The following MLEC variants were observed in gnomAD, a reference collection of about 807,000 sequenced individuals.
MLEC encodes oligosaccharyltransferase complex subunit (non-catalytic).
Under a neutral mutation model 28.7 loss-of-function variants are expected in MLEC, and 7 were observed. That is an observed-to-expected ratio of 0.24 (90% confidence interval 0.14 to 0.46). The LOEUF is 0.46. Among genes scored for constraint, MLEC ranks in the 20% least tolerant of loss-of-function variants. The pLI, the probability that MLEC is intolerant of heterozygous loss-of-function variation, is 0.99. For synonymous variants in MLEC, 142 were observed against 164.4 expected, an observed-to-expected ratio of 0.86 and a Z score of 1.04; for missense variants, 237 against 391.1, an observed-to-expected ratio of 0.61 and a Z score of 3.32.
rs775240289 is a variant in MLEC, at chr12:120,699,987, C to T, written c.*3442C>T. On this transcript the variant is annotated 3_prime_UTR_variant, in exon 5 of 5. Coordinates refer to ENST00000228506, the MANE Select transcript of MLEC (RefSeq NM_014730.4). ...TTCCTTCTTCTCCTGCCTCTAGCCT[C>T]TCCTGGAAAGGCCTGGATATGGTTT... The T allele has an allele frequency of 1.0e-4, 16 of 152,692 alleles. No homozygotes were observed. Among genetic ancestry groups the T allele is most frequent in the Non-Finnish European group, 1.6e-4 (11 of 68,070 alleles). The allele number at this position is 152,692 out of a possible 1,614,324, so 9.5% of individuals were successfully genotyped here.
In MLEC at chr12:120,694,210, G is replaced by A. The variant is rs1376042534; in HGVS notation, c.355G>A (p.Gly119Arg). 1 of 1,614,060 alleles carries A rather than the reference G, an allele frequency of 6.2e-7. No individual in the cohort carries two copies. Among genetic ancestry groups the A allele is most frequent in the Non-Finnish European group, 8.5e-7 (1 of 1,180,038 alleles). Residue 119 changes from glycine (G) to arginine (R), a missense_variant, in exon 2 of 5, where the codon GGG becomes AGG. Coordinates refer to ENST00000228506, the MANE Select transcript of MLEC (RefSeq NM_014730.4). This position sits in a 1 kb window ranked among gnomAD's most constrained non-coding sequence, Gnocchi z 4.5. ...FGYEVPIKEE[G>R]DYVLVLKFAE... Reference sequence around the variant, plus strand: ...CTACGAAGTGCCCATCAAAGAGGAGGGGGACTACGTGCTGGTCTTGAAATT... The same window carrying A: ...CTACGAAGTGCCCATCAAAGAGGAGAGGGACTACGTGCTGGTCTTGAAATT...
At position 120,694,778 on chromosome 12, in the gene MLEC, G is replaced by A. The variant is rs1305292030; in HGVS notation, c.415-46G>A. On this transcript the variant is annotated intron_variant, in intron 2 of 4. Coordinates refer to ENST00000228506, the MANE Select transcript of MLEC (RefSeq NM_014730.4). The surrounding 1 kb of genome is among the most constrained non-coding windows in gnomAD (Gnocchi z 4.5). ...ATGATGTCCAACTGCTTGAAAGGAT[G>A]TAAAGCTGATGGTTTTGACATTGTT... 21 of 1,551,134 alleles carry A rather than the reference G, an allele frequency of 1.4e-5. No homozygotes were observed. Among genetic ancestry groups the A allele is most frequent in the Non-Finnish European group, 1.6e-5 (18 of 1,138,960 alleles).
At chr12:120,689,599 A>G (rs571335932) in intron 1 of MLEC, among the ~76,000 whole-genome samples, 193 of 152,272 alleles carry the variant, frequency 1.3e-3, no homozygotes, top group Non-Finnish European at 2.3e-3. Context: ...AGATGCGCAT[A>G]AGCTTGCACT....
chr12:120,687,259 G>T lies in MLEC; in HGVS notation c.-38G>T. 2 of 1,365,968 alleles carry T rather than the reference G, an allele frequency of 1.5e-6. No homozygotes were observed. The highest frequency in any genetic ancestry group is 1.9e-6 in the Non-Finnish European group (2 of 1,065,468). 84.6% of individuals were successfully genotyped at this position (1,365,968 alleles called of 1,614,324 possible). A position where few individuals can be genotyped will look rare whatever the true frequency, so the allele number is the denominator to read the frequency against. On this transcript the variant is annotated 5_prime_UTR_variant, in exon 1 of 5. Transcript: ENST00000228506. This position sits in a 1 kb window ranked among gnomAD's most constrained non-coding sequence, Gnocchi z 8.1. ...GGTGGCCTGGCAGCCGGCCGAGGAC[G>T]AGGGTCGGCGGGGGCTGCCCCCGTG...
chr12:120,695,602 T>C (rs549871514), intron 4 of MLEC, among the ~76,000 whole-genome samples: 2 of 152,362 alleles, frequency 1.3e-5, no homozygotes, highest in Middle Eastern at 3.4e-3. Context: ...AAAACTTCAC[T>C]TATTTATGTC....
intron 3 of MLEC, 46 bp downstream of exon 3, chr12:120,695,046 G>T: frequency 6.2e-7 from 1 of 1,614,110 alleles, no homozygotes. Flanking sequence ...GGGTACAGGG[G>T]AAGTTGTTTG....
At chr12:120,693,472 C>T (rs1566013542) in intron 1 of MLEC, among the ~76,000 whole-genome samples, 1 of 152,210 alleles carries the variant, frequency 6.6e-6, no homozygotes, top group Non-Finnish European at 1.5e-5. Context: ...AGGAAATTAG[C>T]ATCACACCTT....
chr12:120,688,430 G>A (rs1282792497), intron 1 of MLEC, among the ~76,000 whole-genome samples: 1 of 152,218 alleles, frequency 6.6e-6, no homozygotes, highest in Non-Finnish European at 1.5e-5. Context: ...CCAGGGGCTT[G>A]TGATGTAGGT....
intron 1 of MLEC, among the ~76,000 whole-genome samples, chr12:120,691,368 T>G (rs985106052): frequency 1.3e-5 from 2 of 152,226 alleles, no homozygotes; most frequent in Non-Finnish European, 2.9e-5. Context: ...TGTCCCCATT[T>G]TATAGGTGAG....
At chr12:120,692,845 T>C (rs986773577) in intron 1 of MLEC, among the ~76,000 whole-genome samples, 1 of 151,950 alleles carries the variant, frequency 6.6e-6, no homozygotes, top group Non-Finnish European at 1.5e-5. Context: ...ACTGTGTTTA[T>C]AGGATAAAGG....
At chr12:120,690,819 C>T (rs1382049246) in intron 1 of MLEC, among the ~76,000 whole-genome samples, 4 of 152,172 alleles carry the variant, frequency 2.6e-5, no homozygotes, top group Admixed American at 1.3e-4. Flanking sequence ...CTGATTTGCT[C>T]AAAGCCATGG....
intron 1 of MLEC, among the ~76,000 whole-genome samples, chr12:120,689,720 A>C (rs1202922181): frequency 2.6e-5 from 4 of 152,014 alleles, no homozygotes; most frequent in Non-Finnish European, 5.9e-5. Flanking sequence ...GTATTTGAAG[A>C]CCCTTGCCTC....
At position 120,696,552 on chromosome 12, in the gene MLEC, A is replaced by T. The variant is rs747025269; in HGVS notation, c.*7A>T. ...CTGCCTCTGCCGGTTGTGAGAACAA[A>T]TGACTATCCTGAACAGGGTGGAGGG... On this transcript the variant is annotated 3_prime_UTR_variant, in exon 5 of 5. Transcript: ENST00000228506. The surrounding 1 kb of genome is among the most constrained non-coding windows in gnomAD (Gnocchi z 5.4). 1.4e-5 allele frequency: 23 copies of T among 1,614,172 alleles called. No homozygotes were observed. The East Asian group carries it at 5.1e-4, about 36-fold the overall frequency.
chr12:120,698,394 G>C lies in MLEC; in HGVS notation c.*1849G>C. ...ACTTGGGTCTCAGTGCTAGGGTATTGAGTCAGGCAGCTGGAGGGTTGTGGC... is the reference window on the plus strand; with the variant it reads ...ACTTGGGTCTCAGTGCTAGGGTATTCAGTCAGGCAGCTGGAGGGTTGTGGC... On this transcript the variant is annotated 3_prime_UTR_variant, in exon 5 of 5. Transcript: ENST00000228506. 1 of 152,216 alleles carries C rather than the reference G, an allele frequency of 6.6e-6. No homozygotes were observed. The highest frequency in any genetic ancestry group is 2.4e-5 in the African/African-American group (1 of 41,434). The allele number at this position is 152,216 out of a possible 1,614,324, so 9.4% of individuals were successfully genotyped here.
At position 120,687,341 on chromosome 12, in the gene MLEC, G is replaced by T; in HGVS notation, c.45G>T (p.Leu15=). ...TTGAGGGAACCGCTGTGGCGCTCCT[G>T]CGACTGCTGCTGCTGCTGCTGCCGC... is the stretch of plus-strand genomic sequence containing the variant. ...WAVEGTAVAL[L]RLLLLLLPPA... is the part of the protein sequence containing the mutation. The change falls in exon 1 of 5, where the codon CTG becomes CTT. Residue 15 remains leucine (L), a synonymous_variant. Coordinates refer to ENST00000228506, the MANE Select transcript of MLEC (RefSeq NM_014730.4). The surrounding 1 kb of genome is among the most constrained non-coding windows in gnomAD (Gnocchi z 8.1). 16 of 1,394,326 alleles carry T rather than the reference G, an allele frequency of 1.1e-5. No individual in the cohort carries two copies. The highest frequency in any genetic ancestry group is 1.5e-5 in the Non-Finnish European group (16 of 1,075,862). 86.4% of individuals were successfully genotyped at this position (1,394,326 alleles called of 1,614,324 possible).
At position 120,701,056 on chromosome 12, in the gene MLEC, A is replaced by T. The variant is rs1269498721; in HGVS notation, c.*4511A>T. The T allele has an allele frequency of 6.6e-6, 1 of 152,250 alleles. No homozygotes were observed. Among genetic ancestry groups the T allele is most frequent in the African/African-American group, 2.4e-5 (1 of 41,462 alleles). 9.4% of individuals were successfully genotyped at this position (152,250 alleles called of 1,614,324 possible). On this transcript the variant is annotated 3_prime_UTR_variant, in exon 5 of 5. Transcript: ENST00000228506. The surrounding 1 kb of genome is among the most constrained non-coding windows in gnomAD (Gnocchi z 4.0). ...CCAAGGAAACAGTAGTGCCTGTTTG[A>T]GTTGGCAGAGAGGGCCTTGGCACCT...
chr12:120,695,527 G>C (rs925162554), intron 4 of MLEC, among the ~76,000 whole-genome samples: 1 of 152,228 alleles, frequency 6.6e-6, no homozygotes, highest in Non-Finnish European at 1.5e-5. Flanking sequence ...AAAGGTAAAA[G>C]GAGGAGTCCT....
At position 120,687,257 on chromosome 12, in the gene MLEC, A is replaced by C; in HGVS notation, c.-40A>C. ...GGGGTGGCCTGGCAGCCGGCCGAGGACGAGGGTCGGCGGGGGCTGCCCCCG... is the reference window on the plus strand; with the variant it reads ...GGGGTGGCCTGGCAGCCGGCCGAGGCCGAGGGTCGGCGGGGGCTGCCCCCG... On this transcript the variant is annotated 5_prime_UTR_variant, in exon 1 of 5. Coordinates refer to ENST00000228506, the MANE Select transcript of MLEC (RefSeq NM_014730.4). This position sits in a 1 kb window ranked among gnomAD's most constrained non-coding sequence, Gnocchi z 8.1. The C allele has an allele frequency of 7.3e-7, 1 of 1,362,262 alleles. No homozygotes were observed. Among genetic ancestry groups the C allele is most frequent in the African/African-American group, 1.5e-5 (1 of 64,794 alleles). The allele number at this position is 1,362,262 out of a possible 1,614,324, so 84.4% of individuals were successfully genotyped here. A position where few individuals can be genotyped will look rare whatever the true frequency, so the allele number is the denominator to read the frequency against.
intron 1 of MLEC, among the ~76,000 whole-genome samples, chr12:120,688,329 A>G (rs1010447923): frequency 1.3e-5 from 2 of 152,246 alleles, no homozygotes; most frequent in Non-Finnish European, 1.5e-5. Context: ...CAGAATTGCC[A>G]GGGCAGCTGG....
Sources: allele counts gnomAD v4.1 joint callset (sites outside exome capture counted in the v4.1 genomes callset), GRCh38; gene constraint gnomAD v4.1.1; non-coding constraint Gnocchi (gnomAD v3.1); transcripts MANE v1.5; gene names NCBI Gene and HGNC (gene_info 2026-07-23, HGNC 2026-07-21).